DIDO1: variants seen among roughly 807,000 people sequenced by gnomAD.
DIDO1 encodes death inducer-obliterator 1.
Under a neutral mutation model 99.4 loss-of-function variants are expected in DIDO1, and 16 were observed. The ratio of observed to expected loss-of-function variants is 0.16; its 90% CI spans 0.11 to 0.24. The LOEUF (loss-of-function observed/expected upper bound fraction) is 0.24. DIDO1 is among the 10% of genes least tolerant of loss of function. DIDO1 has a pLI of 1.00. For missense variants in DIDO1, 2,996 were observed against 3,014.0 expected (o/e 0.99, Z 0.14); for synonymous variants, 1,366 against 1,239.1 (o/e 1.10, Z -2.15).
chr20:62,913,782 C>A (rs1456437399), intron 2 of DIDO1, among the ~76,000 whole-genome samples: 1 of 152,222 alleles, frequency 6.6e-6, no homozygotes, highest in East Asian at 1.9e-4. Flanking sequence ...CTGAAAAGGG[C>A]TGCTGCATCC....
Position 62,905,946 on chromosome 20 carries a change from T to C in DIDO1, c.1529A>G (p.Asn510Ser). ...CTTTTCTGGCTTTACTGCATTGTAATTGTGATCGCTCGCCCACGACGGCGT... is the reference window on the plus strand; with the variant it reads ...CTTTTCTGGCTTTACTGCATTGTAACTGTGATCGCTCGCCCACGACGGCGT... ...SSTPSWASDH[N>S]YNAVKPEKTA... The change falls in exon 6 of 16, where the codon AAT becomes AGT. Residue 510 changes from asparagine (N) to serine (S), a missense_variant. Asn to Ser is a conservative substitution (Grantham distance 46). This residue lies in a region of DIDO1 where 898 missense variants were observed against 972.7 expected (regional missense o/e 0.92). Coordinates refer to ENST00000395343, the MANE Select transcript of DIDO1 (RefSeq NM_001193369.2). 3.7e-6 allele frequency: 6 copies of C among 1,614,110 alleles called. No individual in the cohort carries two copies. The highest frequency in any genetic ancestry group is 5.1e-6 in the Non-Finnish European group (6 of 1,180,034).
At position 62,893,570 on chromosome 20, in the gene DIDO1, C is replaced by A. The variant is rs374396577; in HGVS notation, c.3101+96G>T. The A allele has an allele frequency of 3.6e-6, 5 of 1,391,498 alleles. No individual in the cohort carries two copies. The South Asian group carries it at 6.1e-5, about 17-fold the overall frequency. The allele number at this position is 1,391,498 out of a possible 1,614,324, so 86.2% of individuals were successfully genotyped here. The stretch of plus-strand genomic sequence containing the variant: ...AAGAGTGAAGCTGTATTTCAGGTTA[C>A]ATTTCCAAGTTCAACTATTTAATCA... On this transcript the variant is annotated intron_variant, in intron 12 of 15. Coordinates refer to ENST00000395343, the MANE Select transcript of DIDO1 (RefSeq NM_001193369.2).
At position 62,880,240 on chromosome 20, in the gene DIDO1, C is replaced by T; in HGVS notation, c.5716G>A (p.Gly1906Ser). The T allele has an allele frequency of 6.2e-7, 1 of 1,612,274 alleles. No individual in the cohort carries two copies. Among genetic ancestry groups the T allele is most frequent in the East Asian group, 2.2e-5 (1 of 44,848 alleles). ...LLSQLKGPRG[G>S]PPPSQFGGQR... ...CCTCCAAACTGAGAGGGAGGGGGGC[C>T]GCCTCGGGGGCCTTTCAGCTGAGAC... Residue 1906 changes from glycine (G) to serine (S), a missense_variant, in exon 16 of 16, where the codon GGC (glycine) becomes AGC (serine). Gly to Ser is a moderately conservative substitution (Grantham distance 56). Transcript: ENST00000395343.
chr20:62,906,201 G>A (rs1024435752), intron 5 of DIDO1, 101 bp from the exon 6 acceptor site: 2 of 1,463,914 alleles, frequency 1.4e-6, no homozygotes, highest in African/African-American at 1.4e-5. Context: ...GTCTTCCTGA[G>A]GCCATCTGAA....
Position 62,894,563 on chromosome 20 carries a change from G to GAA in DIDO1, c.2437-17_2437-16dup, listed in dbSNP as rs201521681. 6.3e-7 allele frequency: 1 copy of GAA among 1,593,494 alleles called. No individual in the cohort carries two copies. Among genetic ancestry groups the GAA allele is most frequent in the Non-Finnish European group, 8.5e-7 (1 of 1,173,800 alleles). ...TCTTGCTGTTCCTAAAAAAGAAAAA[G>GAA]AAAAAAAAGTGAGGTCGTTTCTTCT... On this transcript the variant is annotated splice_polypyrimidine_tract_variant and intron_variant, in intron 10 of 15. Coordinates refer to ENST00000395343, the MANE Select transcript of DIDO1 (RefSeq NM_001193369.2). This position sits in a 1 kb window ranked among gnomAD's most constrained non-coding sequence, Gnocchi z 4.4.
At chr20:62,907,092 A>C (rs943151764) in intron 5 of DIDO1, 55 bp downstream of exon 5, 1 of 1,586,512 alleles carries the variant, frequency 6.3e-7, no homozygotes, top group African/African-American at 1.3e-5. Flanking sequence ...TTCTGCGACA[A>C]ACGCTCTCAC....
rs372140578 is a variant in DIDO1, at chr20:62,897,021, A to G, written c.1589-25T>C. 737 of 1,587,958 alleles carry G rather than the reference A, an allele frequency of 4.6e-4. 5 individuals are homozygous for G. The highest frequency in any genetic ancestry group is 8.4e-5 in the Non-Finnish European group (98 of 1,166,940). Reference sequence around the variant, plus strand: ...GCTACAAAGAAGAACACAGGCGCTGAGTAAGGGAGGACACCACAGGGTGCT... The same window carrying G: ...GCTACAAAGAAGAACACAGGCGCTGGGTAAGGGAGGACACCACAGGGTGCT... On this transcript the variant is annotated intron_variant, in intron 6 of 15. Transcript: ENST00000395343.
chr20:62,909,284 A>T (rs1187119001), intron 4 of DIDO1, among the ~76,000 whole-genome samples: 2 of 152,238 alleles, frequency 1.3e-5, no homozygotes, highest in Admixed American at 6.5e-5. Flanking sequence ...CATCAGGGGG[A>T]GAGAATTAAG....
At chr20:62,933,361 C>T (rs573664526) in intron 1 of DIDO1, among the ~76,000 whole-genome samples, 1 of 152,302 alleles carries the variant, frequency 6.6e-6, no homozygotes, top group Non-Finnish European at 1.5e-5. Flanking sequence ...CCTACTTCTG[C>T]TAACCATTCT....
chr20:62,904,907 T>C, intron 6 of DIDO1: 1 of 863,896 alleles, frequency 1.2e-6, no homozygotes, highest in African/African-American at 1.9e-5. Flanking sequence ...GACGGGAAAG[T>C]GGGGCACTCT....
intron 15 of DIDO1, 120 bp downstream of exon 15, chr20:62,890,840 T>C: frequency 6.3e-7 from 1 of 1,583,786 alleles, no homozygotes. Context: ...GCTGCGTCTG[T>C]GCTCCTAACT....
Position 62,879,864 on chromosome 20 carries a change from C to T in DIDO1, c.6092G>A (p.Ser2031Asn). Reference sequence around the variant, plus strand: ...GTCCTTCCGGTGCTGCGGGGGGTGGCTGGGAAGCTCCAGCAGGGGCCTGGG... The same window carrying T: ...GTCCTTCCGGTGCTGCGGGGGGTGGTTGGGAAGCTCCAGCAGGGGCCTGGG... Reference protein sequence around the residue: ...PGPRPLLELPSHPPQHRKDRW... With the variant: ...PGPRPLLELPNHPPQHRKDRW... Residue 2031 changes from serine to asparagine, a missense_variant, in exon 16 of 16, where the codon AGC (serine) becomes AAC (asparagine). Physicochemically the swap from Ser to Asn is conservative, Grantham distance 46 (BLOSUM62 1). Around this residue, in one of 5 missense-constraint regions of DIDO1, gnomAD observed 1,562 missense variants for 1,412.6 expected, o/e 1.11. Coordinates refer to ENST00000395343, the MANE Select transcript of DIDO1 (RefSeq NM_001193369.2). This position sits in a 1 kb window ranked among gnomAD's most constrained non-coding sequence, Gnocchi z 6.3. The T allele has an allele frequency of 6.3e-7, 1 of 1,594,276 alleles. No homozygotes were observed. The highest frequency in any genetic ancestry group is 1.3e-5 in the African/African-American group (1 of 74,100).
chr20:62,925,160 C>G lies in DIDO1; in HGVS notation c.-200+1279G>C, dbSNP rs2065228501. ...TAAAGAGCCCTAGGCTCCAGGTAAA[C>G]GAGTTGGCAACACCTGATTTAAAGG... On this transcript the variant is annotated intron_variant, in intron 1 of 15. Coordinates refer to ENST00000395343, the MANE Select transcript of DIDO1 (RefSeq NM_001193369.2). 2.6e-5 allele frequency among the ~76,000 whole-genome samples: 4 copies of G among 152,310 alleles called. 1 individual carries two copies. The highest frequency in any genetic ancestry group is 9.6e-5 in the African/African-American group (4 of 41,564).
At chr20:62,910,616 G>A (rs1600997156) in intron 3 of DIDO1, among the ~76,000 whole-genome samples, 158 bp downstream of exon 3, 1 of 152,240 alleles carries the variant, frequency 6.6e-6, no homozygotes, top group Non-Finnish European at 1.5e-5. Flanking sequence ...GCTCTAGGAA[G>A]TCCTTAGCCA....
Position 62,896,820 on chromosome 20 carries a change from C to G in DIDO1, c.1765G>C (p.Gly589Arg). The G allele has an allele frequency of 2.5e-6, 4 of 1,614,188 alleles. No individual in the cohort carries two copies. The highest frequency in any genetic ancestry group is 1.3e-5 in the African/African-American group (1 of 75,060). The change falls in exon 7 of 16, where the codon GGT becomes CGT. Residue 589 changes from glycine (G) to arginine (R), a missense_variant. Gly to Arg is a moderately radical substitution (Grantham distance 125). Coordinates refer to ENST00000395343, the MANE Select transcript of DIDO1 (RefSeq NM_001193369.2). This position sits in a 1 kb window ranked among gnomAD's most constrained non-coding sequence, Gnocchi z 4.4. ...CTCTTGGGGATGGTGCCCTTGAAAC[C>G]TGAGGGTGGCTTTTTAATGGCTGGT... ...ATPAIKKPPS[G>R]FKGTIPKRPW...
In DIDO1 at chr20:62,894,611, C is replaced by A. The variant is rs2147405291; in HGVS notation, c.2437-63G>T. On this transcript the variant is annotated intron_variant, in intron 10 of 15. Transcript: ENST00000395343. The surrounding 1 kb of genome is among the most constrained non-coding windows in gnomAD (Gnocchi z 4.4). ...TCTCCAAACTCAGCTCCAAATTAAC[C>A]ACACACAAGAAAAGCAGTCTCATGG... 6.4e-7 allele frequency: 1 copy of A among 1,574,502 alleles called. No individual in the cohort carries two copies. Among genetic ancestry groups the A allele is most frequent in the African/African-American group, 1.4e-5 (1 of 73,838 alleles).
intron 1 of DIDO1, among the ~76,000 whole-genome samples, chr20:62,935,721 C>A (rs760971377): frequency 3.3e-5 from 5 of 152,222 alleles, no homozygotes; most frequent in Non-Finnish European, 5.9e-5. Context: ...TTTACACAGG[C>A]AACTGGGGAG....
Position 62,911,449 on chromosome 20 carries a change from T to A in DIDO1, c.164A>T (p.Gln55Leu). The change falls in exon 3 of 16, where the codon CAG (glutamine) becomes CTG (leucine). Residue 55 changes from glutamine (Q) to leucine (L), a missense_variant. Around this residue, in one of 5 missense-constraint regions of DIDO1, gnomAD observed 388 missense variants for 376.6 expected, o/e 1.03. Coordinates refer to ENST00000395343, the MANE Select transcript of DIDO1 (RefSeq NM_001193369.2). This position sits in a 1 kb window ranked among gnomAD's most constrained non-coding sequence, Gnocchi z 7.0. The stretch of plus-strand genomic sequence containing the variant: ...GCGCCGCAGGGACAGGCCCAGCTGC[T>A]GCTGTGGGGGTGGCGGCTCCAGTGG... ...ADPLEPPPPQQQLGLSLRRSG... is the reference protein window; with the variant it reads ...ADPLEPPPPQLQLGLSLRRSG... 1 of 1,612,422 alleles carries A rather than the reference T, an allele frequency of 6.2e-7. No homozygotes were observed. Among genetic ancestry groups the A allele is most frequent in the South Asian group, 1.1e-5 (1 of 90,858 alleles).
chr20:62,893,596 C>T lies in DIDO1; in HGVS notation c.3101+70G>A, dbSNP rs574277443. Reference sequence around the variant, plus strand: ...ATTTCCAAGTTCAACTATTTAATCACCAGTTATCTTTCCTTTCGTTAATCT... The same window carrying T: ...ATTTCCAAGTTCAACTATTTAATCATCAGTTATCTTTCCTTTCGTTAATCT... On this transcript the variant is annotated intron_variant, in intron 12 of 15. Transcript: ENST00000395343. 2.4e-3 allele frequency: 3,471 copies of T among 1,472,934 alleles called. 7 individuals carry two copies. The highest frequency in any genetic ancestry group is 4.2e-3 in the Middle Eastern group (23 of 5,480). The allele number at this position is 1,472,934 out of a possible 1,614,324, so 91.2% of individuals were successfully genotyped here. A position where few individuals can be genotyped will look rare whatever the true frequency, so the allele number is the denominator to read the frequency against.
Sources: gnomAD v4.1 joint callset for allele counts (sites outside exome capture counted in the v4.1 genomes callset) on GRCh38, gnomAD v4.1.1 for gene constraint, gnomAD v4.1.1 regional missense constraint, Gnocchi (gnomAD v3.1) non-coding constraint, MANE v1.5 for transcripts, NCBI Gene and HGNC (gene_info 2026-07-23, HGNC 2026-07-21) for gene names.